Variants in AOX1 observed in about 807,000 individuals in gnomAD.
AOX1 encodes the protein aldehyde oxidase 1.
A neutral mutation model predicts 169.5 loss-of-function variants in AOX1; 153 were observed. That is an observed-to-expected ratio of 0.90 (90% CI 0.79 to 1.03). The LOEUF (loss-of-function observed/expected upper bound fraction) is 1.03, where lower values mean the gene tolerates loss of function less well. Among genes scored for constraint, AOX1 ranks in the 50% least tolerant of loss-of-function variants. The pLI is 0.00. For synonymous variants in AOX1, 562 were observed against 581.9 expected (o/e 0.97, Z 0.49); for missense variants, 1,656 against 1,663.9 (o/e 1.00, Z 0.08).
rs200153095 is a variant in AOX1 at position 200,636,928 on chromosome 2, C to T, written c.2364C>T (p.Thr788=). Residue 788 remains threonine (T), a synonymous_variant, in exon 22 of 35, where the codon ACC becomes ACT. Coordinates refer to ENST00000374700, the MANE Select transcript of AOX1 (RefSeq NM_001159.4). ...GTTCACAGGACATTGTTGCCTCAACCTTGAAGCTCCCAGCTAACAAGGTCA... is the reference window on the plus strand; with the variant it reads ...GTTCACAGGACATTGTTGCCTCAACTTTGAAGCTCCCAGCTAACAAGGTCA... ...PKYIQDIVAS[T]LKLPANKVMC... is the part of the protein sequence containing the mutation. 1 of 1,613,926 alleles carries T rather than the reference C, an allele frequency of 6.2e-7. No individual in the cohort carries two copies. The highest frequency in any genetic ancestry group is 1.7e-5 in the Admixed American group (1 of 59,984).
At chr2:200,587,377 G>A (rs1185732032) in intron 1 of AOX1, among the ~76,000 whole-genome samples, 2 of 152,180 alleles carry the variant, frequency 1.3e-5, no homozygotes, top group African/African-American at 2.4e-5. Context: ...TTCATTCAGA[G>A]CCACCTGTGA....
intron 20 of AOX1, among the ~76,000 whole-genome samples, chr2:200,629,097 C>T (rs1427308596): frequency 6.6e-6 from 1 of 152,128 alleles, no homozygotes; most frequent in Admixed American, 6.5e-5. Flanking sequence ...GTTCCAAGCC[C>T]ATCATGTCTC....
intron 26 of AOX1, among the ~76,000 whole-genome samples, chr2:200,654,504 G>T (rs551493819): frequency 6.6e-6 from 1 of 152,328 alleles, no homozygotes; most frequent in African/African-American, 2.4e-5. Flanking sequence ...TGTGTGATTT[G>T]CTTTATTGCT....
intron 12 of AOX1, 112 bp downstream of exon 12, chr2:200,609,526 C>T (rs1574917925): frequency 1.2e-6 from 1 of 838,784 alleles, no homozygotes; most frequent in South Asian, 1.6e-5. Flanking sequence ...AATATCAATA[C>T]ATTTCTCTGC....
chr2:200,659,922 C>T lies in AOX1; in HGVS notation c.3301-73C>T. 3.5e-6 allele frequency: 4 copies of T among 1,148,466 alleles called. No homozygotes were observed. In the South Asian group the frequency reaches 3.8e-5, roughly 11 times the overall value. The allele number at this position is 1,148,466 out of a possible 1,614,324, so 71.1% of individuals were successfully genotyped here. ...TCTTAGATAAGCCTATGGAATGGTACATATTATGTTGTTTTGAATTTGGTG... is the reference window on the plus strand; with the variant it reads ...TCTTAGATAAGCCTATGGAATGGTATATATTATGTTGTTTTGAATTTGGTG... On this transcript the variant is annotated intron_variant, in intron 28 of 34. Transcript: ENST00000374700.
chr2:200,674,048 C>T (rs115598405), downstream of AOX1, among the ~76,000 whole-genome samples: 1,197 of 152,286 alleles, frequency 7.9e-3, 14 homozygotes, highest in African/African-American at 0.027. Flanking sequence ...CATCCAGAAC[C>T]AAGCAGGAGC....
Position 200,604,034 on chromosome 2 carries a change from C to T in AOX1, c.606C>T (p.Phe202=), listed in dbSNP as rs376178128. The change falls in exon 8 of 35, where the codon TTC becomes TTT. Residue 202 remains phenylalanine, a synonymous_variant. Transcript: ENST00000374700. Reference sequence around the variant, plus strand: ...CTTTTTAGACAAGTCCAAAACTCTTCGCAGAAGAGGAGTTTCTGCCATTGG... The same window carrying T: ...CTTTTTAGACAAGTCCAAAACTCTTTGCAGAAGAGGAGTTTCTGCCATTGG... The part of the protein sequence containing the change: ...EEGSKTSPKL[F]AEEEFLPLDP... 14 of 1,611,804 alleles carry T rather than the reference C, an allele frequency of 8.7e-6. 1 individual carries two copies. The highest frequency in any genetic ancestry group is 6.7e-5 in the African/African-American group (5 of 74,984).
downstream of AOX1, among the ~76,000 whole-genome samples, chr2:200,677,822 C>T (rs1481116244): frequency 6.6e-6 from 1 of 152,134 alleles, no homozygotes; most frequent in Admixed American, 6.6e-5. Flanking sequence ...TTTTTAGCAT[C>T]GTTGGCCAAG....
chr2:200,672,564 A>G (rs926878250), downstream of AOX1, among the ~76,000 whole-genome samples: 4 of 152,214 alleles, frequency 2.6e-5, no homozygotes, highest in African/African-American at 7.2e-5. Flanking sequence ...GCACTGTACT[A>G]GGCACTTGAG....
At chr2:200,590,594 C>T (rs2034149426) in intron 1 of AOX1, among the ~76,000 whole-genome samples, 1 of 152,144 alleles carries the variant, frequency 6.6e-6, no homozygotes, top group Non-Finnish European at 1.5e-5. Flanking sequence ...CAACAAAACA[C>T]ATTTCAAACT....
At chr2:200,679,101 C>T (rs1318851490), downstream of AOX1, among the ~76,000 whole-genome samples, 1 of 152,056 alleles carries the variant, frequency 6.6e-6, no homozygotes, top group African/African-American at 2.4e-5. Context: ...TTCTTAATTC[C>T]AAGTAGTAGA....
At position 200,609,369 on chromosome 2, in the gene AOX1, C is replaced by T; in HGVS notation, c.1108C>T (p.Pro370Ser). The change falls in exon 12 of 35, where the codon CCC becomes TCC. Residue 370 changes from proline to serine, a missense_variant. By Grantham distance (74) the Pro-to-Ser change is moderately conservative (BLOSUM62 -1). Coordinates refer to ENST00000374700, the MANE Select transcript of AOX1 (RefSeq NM_001159.4). ...ISRHPDSDLN[P>S]ILAVGNCTLN... Reference sequence around the variant, plus strand: ...CAGGCATCCAGATTCAGATCTGAATCCCATCCTGGCTGTGGGTAACTGTAC... The same window carrying T: ...CAGGCATCCAGATTCAGATCTGAATTCCATCCTGGCTGTGGGTAACTGTAC... The T allele has an allele frequency of 1.2e-6, 2 of 1,614,044 alleles. No homozygotes were observed. The highest frequency in any genetic ancestry group is 1.7e-6 in the Non-Finnish European group (2 of 1,179,950).
intron 25 of AOX1, among the ~76,000 whole-genome samples, chr2:200,647,531 TCTTAA>T (rs2035481166): frequency 6.6e-6 from 1 of 152,238 alleles, no homozygotes; most frequent in Admixed American, 6.5e-5. Context: ...CTTTCCTTCA[TCTTAA>T]CTTTGGATAA....
At position 200,651,206 on chromosome 2, in the gene AOX1, G is replaced by C; in HGVS notation, c.3075+5G>C. 1.2e-6 allele frequency: 2 copies of C among 1,613,684 alleles called. No individual in the cohort carries two copies. Among genetic ancestry groups the C allele is most frequent in the Non-Finnish European group, 1.7e-6 (2 of 1,179,626 alleles). ...GGCTCACGTGCTGCTGGTCAGGTGAGTTCTCCAAATGCACATGAGGATGCT... is the reference window on the plus strand; with the variant it reads ...GGCTCACGTGCTGCTGGTCAGGTGACTTCTCCAAATGCACATGAGGATGCT... On this transcript the variant is annotated splice_donor_5th_base_variant and intron_variant, in intron 26 of 34. Coordinates refer to ENST00000374700, the MANE Select transcript of AOX1 (RefSeq NM_001159.4).
chr2:200,667,405 C>T (rs1253655043), intron 32 of AOX1, among the ~76,000 whole-genome samples: 1 of 151,974 alleles, frequency 6.6e-6, no homozygotes, highest in Non-Finnish European at 1.5e-5. Context: ...GGCAATTCAG[C>T]TCATTACCTC....
chr2:200,645,539 T>G (rs2105751959), intron 25 of AOX1, among the ~76,000 whole-genome samples: 1 of 152,230 alleles, frequency 6.6e-6, no homozygotes, highest in Non-Finnish European at 1.5e-5. Flanking sequence ...TCTTTTTTGG[T>G]TATGTCCTTT....
chr2:200,611,429 G>A lies in AOX1; in HGVS notation c.1199G>A (p.Cys400Tyr). ...IPLNEQFLSK[C>Y]PNADLKPQEI... Reference sequence around the variant, plus strand: ...TTAAATGAGCAATTCCTCAGCAAGTGCCCTAATGCAGATCTTAAGCCTCAA... The same window carrying A: ...TTAAATGAGCAATTCCTCAGCAAGTACCCTAATGCAGATCTTAAGCCTCAA... Residue 400 changes from cysteine to tyrosine, a missense_variant, in exon 13 of 35, where the codon TGC becomes TAC. Transcript: ENST00000374700. 1.2e-6 allele frequency: 2 copies of A among 1,614,038 alleles called. No homozygotes were observed.
At position 200,604,746 on chromosome 2, in the gene AOX1, A is replaced by G. The variant is rs908276524; in HGVS notation, c.720A>G (p.Arg240=). 4 of 1,614,066 alleles carry G rather than the reference A, an allele frequency of 2.5e-6. No homozygotes were observed. The highest frequency in any genetic ancestry group is 1.1e-5 in the South Asian group (1 of 91,074). ...GGACCAGGGTGTTTGGCAGTGAGAG[A>G]ATGATGTGGTTTTCCCCCGTGACCC... ...SQRTRVFGSE[R]MMWFSPVTLK... is the part of the protein sequence containing the mutation. The change falls in exon 9 of 35, where the codon AGA becomes AGG. Residue 240 remains arginine (R), a synonymous_variant. Coordinates refer to ENST00000374700, the MANE Select transcript of AOX1 (RefSeq NM_001159.4).
At chr2:200,644,196 G>A (rs183703043) in intron 25 of AOX1, among the ~76,000 whole-genome samples, 45 of 152,264 alleles carry the variant, frequency 3.0e-4, no homozygotes, top group Non-Finnish European at 5.6e-4. Context: ...AATAGTTTCA[G>A]GTCTTAGGTT....
Sources: gnomAD v4.1 joint callset for allele counts (sites outside exome capture counted in the v4.1 genomes callset) on GRCh38, gnomAD v4.1.1 for gene constraint, MANE v1.5 for transcripts, NCBI Gene and HGNC (gene_info 2026-07-23, HGNC 2026-07-21) for gene names.